MACROH2A1: variants seen among roughly 807,000 people sequenced by gnomAD.
MACROH2A1 encodes the protein macroH2A.1 histone, also known as core histone macro-H2A.1.
MACROH2A1 carries 2 observed loss-of-function variants against 31.6 expected under a neutral mutation model. That is an observed-to-expected ratio of 0.06 (90% CI 0.03 to 0.20). MACROH2A1 has a LOEUF of 0.20. Ranked by LOEUF, MACROH2A1 falls within the 10% of genes least tolerant of loss-of-function variation. The pLI, the probability that MACROH2A1 is intolerant of heterozygous loss-of-function variation, is 1.00. For missense variants in MACROH2A1, 230 were observed against 474.0 expected (o/e 0.49, Z 4.78); for synonymous variants, 169 against 189.6 (o/e 0.89, Z 0.89).
chr5:135,362,851 T>G (rs911654118), intron 4 of MACROH2A1: 7 of 152,110 alleles, frequency 4.6e-5, no homozygotes, highest in Admixed American at 3.9e-4. Flanking sequence ...AACTAAAAAA[T>G]AGAATAGAAA....
intron 4 of MACROH2A1, among the ~76,000 whole-genome samples, chr5:135,367,879 C>T (rs1763713747): frequency 6.6e-6 from 1 of 152,204 alleles, no homozygotes; most frequent in Non-Finnish European, 1.5e-5. Context: ...CCTTCCCCGC[C>T]CTCCTCCCAA....
intron 1 of MACROH2A1, among the ~76,000 whole-genome samples, chr5:135,395,739 T>C (rs541805821): frequency 6.3e-4 from 96 of 152,334 alleles, no homozygotes; most frequent in African/African-American, 2.1e-3. Context: ...CTGATTGGCT[T>C]GGATCAGAGA....
chr5:135,375,305 T>C (rs760550677), intron 2 of MACROH2A1, among the ~76,000 whole-genome samples: 2 of 152,164 alleles, frequency 1.3e-5, no homozygotes, highest in African/African-American at 2.4e-5. Flanking sequence ...CCCAGCTTCA[T>C]TGAACATGAC....
intron 4 of MACROH2A1, among the ~76,000 whole-genome samples, chr5:135,367,710 G>A (rs894618783): frequency 2.8e-4 from 43 of 152,238 alleles, no homozygotes; most frequent in Admixed American, 1.5e-3. Context: ...AGGCTAAGCT[G>A]AGGACGTGGT....
chr5:135,396,570 G>A (rs903610043), intron 1 of MACROH2A1, among the ~76,000 whole-genome samples: 4 of 151,900 alleles, frequency 2.6e-5, no homozygotes, highest in African/African-American at 9.7e-5. Flanking sequence ...TCAAACACTT[G>A]TCCCCATCTG....
intron 1 of MACROH2A1, among the ~76,000 whole-genome samples, chr5:135,390,961 G>T (rs940213913): frequency 5.9e-5 from 9 of 152,182 alleles, no homozygotes; most frequent in African/African-American, 2.2e-4. Flanking sequence ...AAGAGTAAAG[G>T]CCTCTGTCAT....
In MACROH2A1 at chr5:135,398,384, C is replaced by A. The variant is rs1768320828; in HGVS notation, c.-34+678G>T. Among the ~76,000 whole-genome samples the A allele has an allele frequency of 6.6e-6, 1 of 152,232 alleles. No homozygotes were observed. Among genetic ancestry groups the A allele is most frequent in the African/African-American group, 2.4e-5 (1 of 41,464 alleles). On this transcript the variant is annotated intron_variant, in intron 1 of 8. Coordinates refer to ENST00000511689, the MANE Select transcript of MACROH2A1 (RefSeq NM_138610.3). The surrounding 1 kb of genome is among the most constrained non-coding windows in gnomAD (Gnocchi z 4.6). The stretch of plus-strand genomic sequence containing the variant: ...TAAAAAAAGCAAACCCTTCCTACCA[C>A]AAAGCAAACAAAAGGCTGATACCGA...
At chr5:135,336,071 C>T (rs1272270694) in intron 8 of MACROH2A1, among the ~76,000 whole-genome samples, 4 of 152,184 alleles carry the variant, frequency 2.6e-5, no homozygotes, top group Non-Finnish European at 2.9e-5. Context: ...GTCACAGATC[C>T]GCCTGAGCCT....
chr5:135,393,544 A>G (rs895934609), intron 1 of MACROH2A1, among the ~76,000 whole-genome samples: 14 of 152,232 alleles, frequency 9.2e-5, no homozygotes, highest in African/African-American at 2.7e-4. Context: ...TAGACAAAGC[A>G]GCTTCCTAAG....
chr5:135,389,245 C>T, intron 1 of MACROH2A1, 119 bp from the exon 2 acceptor site: 2 of 594,474 alleles, frequency 3.4e-6, no homozygotes, highest in Non-Finnish European at 5.5e-6. Flanking sequence ...CTGTCTGTAG[C>T]TGCAGGGCCC....
intron 2 of MACROH2A1, among the ~76,000 whole-genome samples, chr5:135,384,038 G>C (rs966556380): frequency 6.6e-6 from 1 of 152,156 alleles, no homozygotes; most frequent in East Asian, 1.9e-4. Flanking sequence ...ATAGGAAGGT[G>C]GTAAAGAGAT....
intron 5 of MACROH2A1, chr5:135,357,143 G>C (rs1369227703): frequency 1.3e-5 from 2 of 152,200 alleles, no homozygotes; most frequent in African/African-American, 4.8e-5. Context: ...GCATGCCCAA[G>C]CTGGATTTCT....
chr5:135,389,192 A>G lies in MACROH2A1; in HGVS notation c.-33-66T>C, dbSNP rs1479717800. 1.2e-5 allele frequency: 15 copies of G among 1,266,248 alleles called. No homozygotes were observed. The East Asian group carries it at 3.6e-4, about 31-fold the overall frequency. 78.4% of individuals were successfully genotyped at this position (1,266,248 alleles called of 1,614,324 possible). A position where few individuals can be genotyped will look rare whatever the true frequency, so the allele number is the denominator to read the frequency against. On this transcript the variant is annotated intron_variant, in intron 1 of 8. Transcript: ENST00000511689. ...CAGCACATGTCCCCTTTCCAGGTACACTCTAGTCCCCTGGAAGGCCCCAGG... is the reference window on the plus strand; with the variant it reads ...CAGCACATGTCCCCTTTCCAGGTACGCTCTAGTCCCCTGGAAGGCCCCAGG...
intron 2 of MACROH2A1, among the ~76,000 whole-genome samples, chr5:135,375,763 A>G (rs1196647980): frequency 6.6e-6 from 1 of 152,176 alleles, no homozygotes; most frequent in Non-Finnish European, 1.5e-5. Context: ...AGGAGAAAAC[A>G]TGTTTGCTAC....
chr5:135,371,521 G>A (rs1394324032), intron 2 of MACROH2A1, among the ~76,000 whole-genome samples: 1 of 152,222 alleles, frequency 6.6e-6, no homozygotes. Flanking sequence ...TCTGGGCACA[G>A]TCTCACAAGA....
chr5:135,343,543 C>CA lies in MACROH2A1; in HGVS notation c.779-110dup, dbSNP rs1416144718. ...CCACGGTATATCTTCCTGGGCCCTCCAATGCCCTGTGTCCGAGGAGTTCCA... is the reference window on the plus strand; with the variant it reads ...CCACGGTATATCTTCCTGGGCCCTCCAAATGCCCTGTGTCCGAGGAGTTCCA... On this transcript the variant is annotated intron_variant, in intron 7 of 8. Coordinates refer to ENST00000511689, the MANE Select transcript of MACROH2A1 (RefSeq NM_138610.3). 8.0e-6 allele frequency: 12 copies of CA among 1,506,150 alleles called. No homozygotes were observed. The African/African-American group carries it at 1.5e-4, about 19-fold the overall frequency. The allele number at this position is 1,506,150 out of a possible 1,614,324, so 93.3% of individuals were successfully genotyped here. A position where few individuals can be genotyped will look rare whatever the true frequency, so the allele number is the denominator to read the frequency against.
At chr5:135,359,292 T>A in intron 5 of MACROH2A1, 3 of 985,394 alleles carry the variant, frequency 3.0e-6, no homozygotes, top group Non-Finnish European at 3.6e-6. Flanking sequence ...TCACGTTAAC[T>A]TTCAATACAT....
chr5:135,365,799 T>C (rs908450516), intron 4 of MACROH2A1, among the ~76,000 whole-genome samples: 1 of 152,358 alleles, frequency 6.6e-6, no homozygotes, highest in East Asian at 1.9e-4. Context: ...TTTACTTGCA[T>C]GTGAGGACAG....
intron 8 of MACROH2A1, among the ~76,000 whole-genome samples, chr5:135,336,354 C>CG (rs2149694496): frequency 6.6e-6 from 1 of 152,358 alleles, no homozygotes; most frequent in East Asian, 1.9e-4. Context: ...TGACCACACA[C>CG]GGCTTCACCC....
Sources: allele counts gnomAD v4.1 joint callset (sites outside exome capture counted in the v4.1 genomes callset), GRCh38; gene constraint gnomAD v4.1.1; non-coding constraint Gnocchi (gnomAD v3.1); transcripts MANE v1.5; gene names NCBI Gene and HGNC (gene_info 2026-07-23, HGNC 2026-07-21).